Variants in DNAH1 observed in about 807,000 individuals in gnomAD.
The protein encoded by DNAH1 is axonemal beta dynein heavy chain 1.
DNAH1 carries 327 observed loss-of-function variants against 484.3 expected under a neutral mutation model. The ratio of observed to expected loss-of-function variants is 0.68; its 90% confidence interval spans 0.62 to 0.74. The LOEUF (loss-of-function observed/expected upper bound fraction) is 0.74, where lower values mean the gene tolerates loss of function less well. Ranked by LOEUF, DNAH1 falls within the 30% of genes least tolerant of loss-of-function variation. The pLI is 0.00. For missense variants in DNAH1, 5,052 were observed against 5,546.8 expected (o/e 0.91, Z 2.83); for synonymous variants, 2,192 against 2,191.9 (o/e 1.00, Z 0.00).
rs750633195 is a variant in DNAH1 at position 52,395,295 on chromosome 3, C to T, written c.10969-13C>T. ...GCCCCAGGTGGTCTCAGCATCTCCC[C>T]CTGCCCTTGCAGACAGCCAATCTGT... On this transcript the variant is annotated splice_polypyrimidine_tract_variant and intron_variant, in intron 68 of 77. Transcript: ENST00000420323. The surrounding 1 kb of genome is among the most constrained non-coding windows in gnomAD (Gnocchi z 4.4). The T allele has an allele frequency of 9.9e-6, 16 of 1,612,150 alleles. No homozygotes were observed. The highest frequency in any genetic ancestry group is 1.4e-5 in the Non-Finnish European group (16 of 1,179,192).
At position 52,351,947 on chromosome 3, in the gene DNAH1, C is replaced by T. The variant is rs1702400191; in HGVS notation, c.2730-15C>T. On this transcript the variant is annotated splice_polypyrimidine_tract_variant and intron_variant, in intron 16 of 77. Coordinates refer to ENST00000420323, the MANE Select transcript of DNAH1 (RefSeq NM_015512.5). ...CCGCGATATTTCTCCCAATCCCCAC[C>T]CCCATCCCGGCCAGATGGATTGCCA... The T allele has an allele frequency of 6.3e-7, 1 of 1,596,552 alleles. No individual in the cohort carries two copies. Among genetic ancestry groups the T allele is most frequent in the Non-Finnish European group, 8.5e-7 (1 of 1,171,906 alleles).
intron 50 of DNAH1, 89 bp from the exon 51 acceptor site, chr3:52,383,297 A>C: frequency 2.5e-6 from 3 of 1,195,854 alleles, no homozygotes; most frequent in Non-Finnish European, 3.6e-6. Context: ...CAGTCTGTCA[A>C]ATGGAGCTGT....
At chr3:52,311,150 G>A in the DNAH1 span, among the ~76,000 whole-genome samples, 1 of 152,208 alleles carries the variant, frequency 6.6e-6, no homozygotes, top group Non-Finnish European at 1.5e-5. Context: ...CCCCTGTTGA[G>A]TCCTGCTGGC....
chr3:52,323,823 C>G lies in DNAH1; in HGVS notation c.349C>G (p.Pro117Ala). ...TTGGTTTCAGGAGGTATGTCGTGGC[C>G]CCCGAATGAGCCAGAACCTCCTGCG... ...LDQLGEVCRG[P>A]RMSQNLLRQA... The change falls in exon 3 of 78, where the codon CCC (proline) becomes GCC (alanine). Residue 117 changes from proline to alanine, a missense_variant. Transcript: ENST00000420323. The G allele has an allele frequency of 1.3e-6, 2 of 1,590,946 alleles. No homozygotes were observed. The highest frequency in any genetic ancestry group is 8.6e-7 in the Non-Finnish European group (1 of 1,168,630).
rs373242535 is a variant in DNAH1 at position 52,369,859 on chromosome 3, C to G, written c.5978C>G (p.Ala1993Gly). The G allele has an allele frequency of 6.2e-7, 1 of 1,612,408 alleles. No individual in the cohort carries two copies. The highest frequency in any genetic ancestry group is 1.3e-5 in the African/African-American group (1 of 74,908). The part of the protein sequence containing the change: ...MTMMFEVQDL[A>G]VASPATVSRC... ...ATGATGTTCGAGGTGCAAGACCTGG[C>G]GGTGGCTTCACCAGCTACAGTCTCC... The change falls in exon 38 of 78, where the codon GCG becomes GGG. Residue 1993 changes from alanine to glycine, a missense_variant. Ala to Gly is a moderately conservative substitution (Grantham distance 60). This residue lies in a region of DNAH1 where 2,929 missense variants were observed against 3,409.4 expected (regional missense o/e 0.86). Coordinates refer to ENST00000420323, the MANE Select transcript of DNAH1 (RefSeq NM_015512.5).
Position 52,324,147 on chromosome 3 carries a change from TC to T in DNAH1, c.406+270del, listed in dbSNP as rs201593776. Among the ~76,000 whole-genome samples the T allele has an allele frequency of 3.9e-3, 592 of 152,276 alleles. 5 individuals are homozygous for T. Among genetic ancestry groups the T allele is most frequent in the South Asian group, 0.023 (111 of 4,820 alleles). ...CAGGGGTCAGAGCCACAGCTTTCTTTCCCTGGCTGAGGTCAGAAGGGCATAT... is the reference window on the plus strand; with the variant it reads ...CAGGGGTCAGAGCCACAGCTTTCTTTCCTGGCTGAGGTCAGAAGGGCATAT... On this transcript the variant is annotated intron_variant, in intron 3 of 77. Transcript: ENST00000420323.
chr3:52,361,545 T>TG lies in DNAH1; in HGVS notation c.4875-114dup. 1 of 1,282,810 alleles carries TG rather than the reference T, an allele frequency of 7.8e-7. No homozygotes were observed. The allele number at this position is 1,282,810 out of a possible 1,614,324, so 79.5% of individuals were successfully genotyped here. A position where few individuals can be genotyped will look rare whatever the true frequency, so the allele number is the denominator to read the frequency against. On this transcript the variant is annotated intron_variant, in intron 29 of 77. Transcript: ENST00000420323. This position sits in a 1 kb window ranked among gnomAD's most constrained non-coding sequence, Gnocchi z 5.6. ...GGCAGTGGGTTGAAGACTGAGCTGA[T>TG]GGAGATTGCCCCTGAGGGCTTCCTC...
At position 52,397,716 on chromosome 3, in the gene DNAH1, T is replaced by G. The variant is rs1438776323; in HGVS notation, c.11797T>G (p.Ser3933Ala). 1 of 1,608,242 alleles carries G rather than the reference T, an allele frequency of 6.2e-7. No individual in the cohort carries two copies. The highest frequency in any genetic ancestry group is 1.7e-5 in the Admixed American group (1 of 59,400). Reference sequence around the variant, plus strand: ...GCCTCCTCTCTCCTAGGGCTACCTCTCCTACATCAAGAGCCTCCCACTCAA... The same window carrying G: ...GCCTCCTCTCTCCTAGGGCTACCTCGCCTACATCAAGAGCCTCCCACTCAA... Reference protein sequence around the residue: ...PPTYDLHGYLSYIKSLPLNDM... With the variant: ...PPTYDLHGYLAYIKSLPLNDM... Residue 3933 changes from serine to alanine, a missense_variant, in exon 74 of 78, where the codon TCC becomes GCC. Coordinates refer to ENST00000420323, the MANE Select transcript of DNAH1 (RefSeq NM_015512.5).
At position 52,344,539 on chromosome 3, in the gene DNAH1, G is replaced by A. The variant is rs372340050; in HGVS notation, c.1336G>A (p.Glu446Lys). 1.2e-6 allele frequency: 2 copies of A among 1,613,980 alleles called. No homozygotes were observed. Among genetic ancestry groups the A allele is most frequent in the East Asian group, 4.5e-5 (2 of 44,886 alleles). ...TGCCAGAGAAGTGAGCCTGGACTAT[G>A]AGCGCAGCATGAACAAGATCAACTT... ...SLAREVSLDY[E>K]RSMNKINFDH... The change falls in exon 9 of 78, where the codon GAG becomes AAG. Residue 446 changes from glutamate to lysine, a missense_variant. Physicochemically the swap from Glu to Lys is moderately conservative, Grantham distance 56. This residue lies in a region of DNAH1 where 1,263 missense variants were observed against 1,218.8 expected (regional missense o/e 1.04). Coordinates refer to ENST00000420323, the MANE Select transcript of DNAH1 (RefSeq NM_015512.5).
At chr3:52,399,402 C>G in intron 76 of DNAH1, 143 bp from the exon 77 acceptor site, 1 of 937,238 alleles carries the variant, frequency 1.1e-6, no homozygotes, top group Non-Finnish European at 1.6e-6. Context: ...GCACAGACCA[C>G]AGGCCATGGG....
chr3:52,324,101 T>C lies in DNAH1; in HGVS notation c.406+221T>C, dbSNP rs11711934. The stretch of plus-strand genomic sequence containing the variant: ...ACTCTTAGTGGAGCCATGACCTTGA[T>C]GCTGGGCTGGGCTGGGCTGCCAGGG... On this transcript the variant is annotated intron_variant, in intron 3 of 77. Coordinates refer to ENST00000420323, the MANE Select transcript of DNAH1 (RefSeq NM_015512.5). 0.2 allele frequency among the ~76,000 whole-genome samples: 29,819 copies of C among 152,090 alleles called. 3,457 individuals are homozygous for C. Among genetic ancestry groups the C allele is most frequent in the African/African-American group, 0.31 (12,983 of 41,458 alleles).
Position 52,386,800 on chromosome 3 carries a change from G to T in DNAH1, c.8950G>T (p.Gly2984Trp). The T allele has an allele frequency of 6.3e-7, 1 of 1,593,008 alleles. No homozygotes were observed. Among genetic ancestry groups the T allele is most frequent in the African/African-American group, 1.3e-5 (1 of 74,548 alleles). ...GGATGACTACTGGGAGCCTGGCAAG[G>T]GGCTGCTGCAGGACCCGGGCCACTT... ...KVDDYWEPGKGLLQDPGHFLE... is the reference protein window; with the variant it reads ...KVDDYWEPGKWLLQDPGHFLE... The change falls in exon 56 of 78, where the codon GGG (glycine) becomes TGG (tryptophan). Residue 2984 changes from glycine (G) to tryptophan (W), a missense_variant. Transcript: ENST00000420323.
chr3:52,384,754 C>T (rs1704021730), intron 52 of DNAH1, 32 bp from the exon 53 acceptor site: 3 of 1,547,806 alleles, frequency 1.9e-6, no homozygotes, highest in Admixed American at 1.9e-5. Context: ...GGGGCCTCTA[C>T]CAGGCCGGCA....
At chr3:52,383,147 C>A (rs1031279796) in intron 50 of DNAH1, among the ~76,000 whole-genome samples, 2 of 152,206 alleles carry the variant, frequency 1.3e-5, no homozygotes, top group African/African-American at 4.8e-5. Flanking sequence ...TGCCACAACC[C>A]CCAGTGAGGA....
intron 4 of DNAH1, 42 bp from the exon 5 acceptor site, chr3:52,326,679 GGAGCCACCTCACAC>G: frequency 4.5e-6 from 7 of 1,540,704 alleles, no homozygotes; most frequent in Non-Finnish European, 6.1e-6. Flanking sequence ...GGACACCCAT[GGAGCCACCTCACAC>G]GAGCCAAGCC....
At position 52,332,033 on chromosome 3, in the gene DNAH1, C is replaced by CA. The variant is rs1267950305; in HGVS notation, c.1034-107dup. The CA allele has an allele frequency of 5.1e-6, 7 of 1,384,618 alleles. No individual in the cohort carries two copies. The Admixed American group carries it at 1.4e-4, about 27-fold the overall frequency. 85.8% of individuals were successfully genotyped at this position (1,384,618 alleles called of 1,614,324 possible). On this transcript the variant is annotated intron_variant, in intron 7 of 77. Coordinates refer to ENST00000420323, the MANE Select transcript of DNAH1 (RefSeq NM_015512.5). ...GCAACAGGGGGTCAGAAGAGGGAAA[C>CA]AATTTGTTCAGGGCCACTGGGCATC...
At chr3:52,342,296 C>T (rs1701968943) in intron 8 of DNAH1, among the ~76,000 whole-genome samples, 1 of 152,218 alleles carries the variant, frequency 6.6e-6, no homozygotes, top group Admixed American at 6.5e-5. Flanking sequence ...CTGTGCAGGC[C>T]ATGGGTGGTG....
upstream of DNAH1, among the ~76,000 whole-genome samples, chr3:52,311,454 A>T (rs1700749496): frequency 6.6e-6 from 1 of 152,178 alleles, no homozygotes; most frequent in Non-Finnish European, 1.5e-5. Flanking sequence ...AATGAGGCCC[A>T]GAGATGAGAC....
chr3:52,361,424 G>A lies in DNAH1; in HGVS notation c.4874+72G>A, dbSNP rs929302004. The A allele has an allele frequency of 2.0e-6, 3 of 1,463,844 alleles. No homozygotes were observed. Among genetic ancestry groups the A allele is most frequent in the African/African-American group, 1.4e-5 (1 of 70,698 alleles). The allele number at this position is 1,463,844 out of a possible 1,614,324, so 90.7% of individuals were successfully genotyped here. A position where few individuals can be genotyped will look rare whatever the true frequency, so the allele number is the denominator to read the frequency against. ...GCTCTCCTTGGGGAGGGCTAGGTGA[G>A]GGCAGTGCCTGAGAGGGGCCTCGAA... is the stretch of plus-strand genomic sequence containing the variant. On this transcript the variant is annotated intron_variant, in intron 29 of 77. Coordinates refer to ENST00000420323, the MANE Select transcript of DNAH1 (RefSeq NM_015512.5). The surrounding 1 kb of genome is among the most constrained non-coding windows in gnomAD (Gnocchi z 5.6).
Sources: gnomAD v4.1 joint callset for allele counts (sites outside exome capture counted in the v4.1 genomes callset) on GRCh38, gnomAD v4.1.1 for gene constraint, gnomAD v4.1.1 regional missense constraint, Gnocchi (gnomAD v3.1) non-coding constraint, MANE v1.5 for transcripts, NCBI Gene and HGNC (gene_info 2026-07-23, HGNC 2026-07-21) for gene names.